ZBTB40: variants seen among roughly 807,000 people sequenced by gnomAD.
ZBTB40 encodes zinc finger and BTB domain-containing protein 40.
Under a neutral mutation model 117.5 loss-of-function variants are expected in ZBTB40, and 60 were observed. The observed-to-expected ratio is 0.51, with a 90% CI of 0.41 to 0.63. The LOEUF (loss-of-function observed/expected upper bound fraction) is 0.63. ZBTB40 is among the 30% of genes least tolerant of loss of function. The pLI is 0.00. For missense variants in ZBTB40, 1,287 were observed against 1,498.5 expected (o/e 0.86, Z 2.33); for synonymous variants, 525 against 577.1 (o/e 0.91, Z 1.29).
intron 3 of ZBTB40, among the ~76,000 whole-genome samples, chr1:22,494,351 G>C (rs533440472): frequency 2.0e-5 from 3 of 152,322 alleles, no homozygotes; most frequent in South Asian, 4.1e-4. Context: ...ACAGTGTCTA[G>C]AGGAAGTAGC....
In ZBTB40 at chr1:22,530,734, C is replaced by G. The variant is rs1191942479; in HGVS notation, c.*4338C>G. On this transcript the variant is annotated 3_prime_UTR_variant, in exon 18 of 18. Transcript: ENST00000375647. The stretch of plus-strand genomic sequence containing the variant: ...TCAAATGGACTGTGATGTTATAGAC[C>G]TGCTTTCTCTTTGGTTCTGGGCCAG... 1 of 152,248 alleles carries G rather than the reference C, an allele frequency of 6.6e-6. No individual in the cohort carries two copies. The highest frequency in any genetic ancestry group is 2.4e-5 in the African/African-American group (1 of 41,404). 9.4% of individuals were successfully genotyped at this position (152,248 alleles called of 1,614,324 possible).
intron 1 of ZBTB40, among the ~76,000 whole-genome samples, chr1:22,470,696 A>G (rs1641381460): frequency 6.6e-6 from 1 of 152,242 alleles, no homozygotes; most frequent in East Asian, 1.9e-4. Flanking sequence ...AAGCAATGCA[A>G]CTATATCAAT....
chr1:22,482,414 C>T (rs1235382422), intron 1 of ZBTB40, among the ~76,000 whole-genome samples: 1 of 152,200 alleles, frequency 6.6e-6, no homozygotes, highest in Non-Finnish European at 1.5e-5. Context: ...TCCACACATG[C>T]ACAACCTGTC....
chr1:22,472,650 A>G (rs1641439938), intron 1 of ZBTB40, among the ~76,000 whole-genome samples: 1 of 152,214 alleles, frequency 6.6e-6, no homozygotes, highest in African/African-American at 2.4e-5. Context: ...TAGAAAGGAA[A>G]TGTCACAGTA....
chr1:22,449,219 G>A (rs146563879), upstream of ZBTB40, among the ~76,000 whole-genome samples: 1,275 of 152,158 alleles, frequency 8.4e-3, 8 homozygotes, highest in Non-Finnish European at 0.01. Flanking sequence ...GAGGCACCTC[G>A]GGCATCTTAC....
chr1:22,476,974 T>G (rs1474440730), intron 1 of ZBTB40, among the ~76,000 whole-genome samples: 1 of 152,230 alleles, frequency 6.6e-6, no homozygotes, highest in Non-Finnish European at 1.5e-5. Flanking sequence ...TAGTGCTATA[T>G]TCTGTCTCCT....
intron 3 of ZBTB40, 50 bp downstream of exon 3, chr1:22,491,583 A>G: frequency 6.2e-7 from 1 of 1,601,238 alleles, no homozygotes; most frequent in Non-Finnish European, 8.5e-7. Flanking sequence ...TGTTCTCAGG[A>G]TACCTTACTA....
chr1:22,509,274 A>C, intron 9 of ZBTB40, 41 bp downstream of exon 9: 1 of 1,613,590 alleles, frequency 6.2e-7, no homozygotes, highest in South Asian at 1.1e-5. Context: ...AGAGTTTTAC[A>C]GTTGTTGCCT....
intron 6 of ZBTB40, among the ~76,000 whole-genome samples, chr1:22,507,730 T>C (rs1569862543): frequency 6.6e-6 from 1 of 152,198 alleles, no homozygotes; most frequent in Non-Finnish European, 1.5e-5. Flanking sequence ...TACAGCCTTC[T>C]AATTACCCCC....
In ZBTB40 at chr1:22,512,035, G is replaced by T. The variant is rs762197033; in HGVS notation, c.2362G>T (p.Ala788Ser). 2 of 1,614,190 alleles carry T rather than the reference G, an allele frequency of 1.2e-6. No homozygotes were observed. ...AGAGCTGGACAAACATCAGCTGGAG[G>T]CCCATGGTGCAGGTGGAGAGCCCGA... ...KKELDKHQLE[A>S]HGAGGEPDAP... The change falls in exon 11 of 18, where the codon GCC (alanine) becomes TCC (serine). Residue 788 changes from alanine to serine, a missense_variant. By Grantham distance (99) the Ala-to-Ser change is moderately conservative (BLOSUM62 1). Transcript: ENST00000375647.
chr1:22,451,551 A>C (rs575085558), upstream of ZBTB40, among the ~76,000 whole-genome samples: 453 of 152,146 alleles, frequency 3.0e-3, 1 homozygote, highest in African/African-American at 0.01. Context: ...AGGCTGAGGC[A>C]GGAGAATCGC....
intron 6 of ZBTB40, among the ~76,000 whole-genome samples, chr1:22,507,343 T>C (rs1043965171): frequency 6.6e-6 from 1 of 152,248 alleles, no homozygotes; most frequent in African/African-American, 2.4e-5. Context: ...AGTTGCTGTC[T>C]TCACTGTCAT....
At chr1:22,508,210 A>T (rs553175440) in intron 7 of ZBTB40, 73 bp downstream of exon 7, 2 of 1,505,214 alleles carry the variant, frequency 1.3e-6, no homozygotes, top group South Asian at 2.3e-5. Flanking sequence ...ATACACACAC[A>T]CATTTATATT....
In ZBTB40 at chr1:22,508,151, A is replaced by C. The variant is rs764517315; in HGVS notation, c.1497+14A>C. Reference sequence around the variant, plus strand: ...GGAGAAAGAGAGGTAAGAGAGGGAGAGAAACAGAGGGAGGGGAGGGTAAAA... The same window carrying C: ...GGAGAAAGAGAGGTAAGAGAGGGAGCGAAACAGAGGGAGGGGAGGGTAAAA... On this transcript the variant is annotated intron_variant, in intron 7 of 17. Coordinates refer to ENST00000375647, the MANE Select transcript of ZBTB40 (RefSeq NM_014870.4). 1 of 1,613,264 alleles carries C rather than the reference A, an allele frequency of 6.2e-7. No individual in the cohort carries two copies. Among genetic ancestry groups the C allele is most frequent in the South Asian group, 1.1e-5 (1 of 91,074 alleles).
At chr1:22,482,947 C>T (rs971656552) in intron 1 of ZBTB40, among the ~76,000 whole-genome samples, 7 of 151,928 alleles carry the variant, frequency 4.6e-5, no homozygotes, top group Non-Finnish European at 8.8e-5. Flanking sequence ...GGCGTGGTGG[C>T]GGGCGCCTGT....
At chr1:22,508,756 G>GT in intron 8 of ZBTB40, 25 bp downstream of exon 8, 1 of 1,607,366 alleles carries the variant, frequency 6.2e-7, no homozygotes, top group Admixed American at 1.7e-5. Context: ...CTCTGGGGGG[G>GT]TTTTGCCCCC....
chr1:22,467,140 T>A (rs994842256), intron 1 of ZBTB40, among the ~76,000 whole-genome samples: 1 of 152,220 alleles, frequency 6.6e-6, no homozygotes, highest in Non-Finnish European at 1.5e-5. Flanking sequence ...TAATTATTTC[T>A]GATAGATTCC....
In ZBTB40 at chr1:22,431,463, G is replaced by T. The variant is rs551856125; in HGVS notation, c.-70+2449G>T. 3.1e-4 allele frequency among the ~76,000 whole-genome samples: 46 copies of T among 149,446 alleles called. No homozygotes were observed. The Middle Eastern group carries it at 0.014, about 46-fold the overall frequency. ...AGTGTAAAGATCTTTTACTGGCCGGGTGCAGTGGCCCACGCCTGTAATCCC... is the reference window on the plus strand; with the variant it reads ...AGTGTAAAGATCTTTTACTGGCCGGTTGCAGTGGCCCACGCCTGTAATCCC... On this transcript the variant is annotated intron_variant, in intron 1 of 8. Coordinates refer to the ZBTB40 transcript ENST00000650433.
rs1188533392 is a variant in ZBTB40, at chr1:22,526,261, C to G, written c.3585C>G (p.Thr1195=). ...PTEQVITLEE[T]QLAGSQVFVT... ...AGCAGGTGATCACTTTGGAGGAGAC[C>G]CAGCTTGCCGGGTCGCAGGTGTTTG... is the stretch of plus-strand genomic sequence containing the variant. The change falls in exon 18 of 18, where the codon ACC becomes ACG. Residue 1195 remains threonine (T), a synonymous_variant. Transcript: ENST00000375647. 6.8e-6 allele frequency: 11 copies of G among 1,614,174 alleles called. No homozygotes were observed. The highest frequency in any genetic ancestry group is 9.3e-6 in the Non-Finnish European group (11 of 1,180,036).
Sources: allele counts gnomAD v4.1 joint callset (sites outside exome capture counted in the v4.1 genomes callset), GRCh38; gene constraint gnomAD v4.1.1; transcripts MANE v1.5; gene names NCBI Gene and HGNC (gene_info 2026-07-23, HGNC 2026-07-21).